The following CHRDL1 variants were observed in gnomAD, a reference collection of about 807,000 sequenced individuals.
CHRDL1 encodes the protein chordin-like protein 1.
In CHRDL1, 19 loss-of-function variants were observed where a neutral mutation model predicts 40.9. The observed-to-expected ratio is 0.46, with a 90% CI of 0.32 to 0.68. The LOEUF is 0.68. Among genes scored for constraint, CHRDL1 ranks in the 30% least tolerant of loss-of-function variants. CHRDL1 has a pLI of 0.03. For missense variants in CHRDL1, 329 were observed against 352.1 expected, an observed-to-expected ratio of 0.93 and a Z score of 0.53; for synonymous variants, 136 against 123.4, an observed-to-expected ratio of 1.10 and a Z score of -0.68.
chrX:110,739,396 T>C (rs1204232846), intron 4 of CHRDL1, among the ~76,000 whole-genome samples: 1 of 112,001 alleles, frequency 8.9e-6, no homozygotes, highest in Non-Finnish European at 1.9e-5. Flanking sequence ...TTCCAGTCAA[T>C]TGAATGTGGG....
rs1298617681 is a variant in CHRDL1, at chrX:110,675,319, C to T, written c.*912G>A. On this transcript the variant is annotated 3_prime_UTR_variant, in exon 12 of 12. Coordinates refer to ENST00000372042, the MANE Select transcript of CHRDL1 (RefSeq NM_001143981.2). ...GAATTCTATCAACTTCTTTCTTCAA[C>T]AATTATTTTTTCTTACATGGATTCA... The T allele has an allele frequency of 1.8e-5, 2 of 111,403 alleles. No individual in the cohort carries two copies. Among genetic ancestry groups the T allele is most frequent in the Non-Finnish European group, 3.8e-5 (2 of 53,032 alleles). 9.2% of individuals were successfully genotyped at this position (111,403 alleles called of 1,213,427 possible).
At chrX:110,692,332 T>C (rs900110943) in intron 8 of CHRDL1, among the ~76,000 whole-genome samples, 1 of 110,754 alleles carries the variant, frequency 9.0e-6, no homozygotes, top group African/African-American at 3.3e-5. Flanking sequence ...AGCTTGGGAG[T>C]TGGGGGTGGG....
intron 6 of CHRDL1, among the ~76,000 whole-genome samples, chrX:110,705,011 T>C (rs377014837): frequency 1.0e-4 from 11 of 109,985 alleles, no homozygotes; most frequent in African/African-American, 3.6e-4. Context: ...TACCCTAGAG[T>C]TTTTAAAAGG....
intron 7 of CHRDL1, among the ~76,000 whole-genome samples, chrX:110,700,042 G>C (rs187781319): frequency 2.1e-4 from 23 of 111,931 alleles, no homozygotes; most frequent in African/African-American, 6.8e-4. Flanking sequence ...TTTTTAGAGA[G>C]GAATGCTATT....
chrX:110,752,688 A>G (rs1322194207), intron 4 of CHRDL1, among the ~76,000 whole-genome samples: 6 of 111,432 alleles, frequency 5.4e-5, no homozygotes, highest in Non-Finnish European at 1.1e-4. Flanking sequence ...TATATATACC[A>G]ATCTTTTGCA....
chrX:110,711,182 T>C (rs2070741214), intron 6 of CHRDL1, among the ~76,000 whole-genome samples: 1 of 112,274 alleles, frequency 8.9e-6, no homozygotes, highest in Non-Finnish European at 1.9e-5. Context: ...TTATTTTCTA[T>C]CTGCAGTTGG....
intron 4 of CHRDL1, among the ~76,000 whole-genome samples, chrX:110,722,280 A>G (rs781641834): frequency 1.8e-5 from 2 of 110,839 alleles, no homozygotes; most frequent in Admixed American, 1.9e-4. Flanking sequence ...TACAGGCGTG[A>G]GCCATGGCGC....
intron 4 of CHRDL1, among the ~76,000 whole-genome samples, chrX:110,754,850 G>A (rs954756825): frequency 3.6e-5 from 4 of 110,064 alleles, no homozygotes; most frequent in African/African-American, 9.9e-5. Context: ...AATTCTCAGT[G>A]GAATGACCAT....
At chrX:110,749,388 T>C (rs2089316322) in intron 4 of CHRDL1, among the ~76,000 whole-genome samples, 1 of 111,950 alleles carries the variant, frequency 8.9e-6, no homozygotes, top group Non-Finnish European at 1.9e-5. Flanking sequence ...TTCCTCCCCC[T>C]CCTGCAGACA....
rs1227095200 is a variant in CHRDL1, at chrX:110,716,917, C to CACCACTCA, written c.541+2910_541+2917dup. ...TCCCAGTTCCTTATCATGAAATGGCCACCACTCATTCATCTCAAATTGGTT... is the reference window on the plus strand; with the variant it reads ...TCCCAGTTCCTTATCATGAAATGGCCACCACTCAACCACTCATTCATCTCAAATTGGTT... On this transcript the variant is annotated intron_variant, in intron 6 of 11. Transcript: ENST00000372042. Among the ~76,000 whole-genome samples, 4 of 111,598 alleles carry CACCACTCA rather than the reference C, an allele frequency of 3.6e-5. No individual in the cohort carries two copies. In the East Asian group the frequency reaches 1.1e-3, roughly 31 times the overall value.
chrX:110,748,607 C>T (rs2089299016), intron 4 of CHRDL1, among the ~76,000 whole-genome samples: 1 of 112,278 alleles, frequency 8.9e-6, no homozygotes, highest in Non-Finnish European at 1.9e-5. Flanking sequence ...TGTCTCCTGA[C>T]TTCACTTCCT....
intron 4 of CHRDL1, among the ~76,000 whole-genome samples, chrX:110,722,461 C>T (rs188248283): frequency 8.0e-4 from 88 of 110,447 alleles, no homozygotes; most frequent in African/African-American, 2.7e-3. Flanking sequence ...CTTTCCTCCA[C>T]GAAGCATTCT....
intron 6 of CHRDL1, among the ~76,000 whole-genome samples, chrX:110,701,932 T>C (rs944452200): frequency 8.9e-6 from 1 of 112,088 alleles, no homozygotes; most frequent in East Asian, 2.8e-4. Context: ...ATTAGTTTGA[T>C]AGCAATATTA....
chrX:110,688,574 AG>A lies in CHRDL1; in HGVS notation c.988+19del. On this transcript the variant is annotated intron_variant, in intron 9 of 11. Coordinates refer to ENST00000372042, the MANE Select transcript of CHRDL1 (RefSeq NM_001143981.2). ...GTGAGAATCTCAGTCAACCAAAAGC[AG>A]GGCCTCCAACCAACGCACCTTTTGC... 1 of 1,153,189 alleles carries A rather than the reference AG, an allele frequency of 8.7e-7. No homozygotes were observed. The highest frequency in any genetic ancestry group is 1.2e-6 in the Non-Finnish European group (1 of 842,599).
rs774142129 is a variant in CHRDL1 at position 110,708,074 on chromosome X, C to CA, written c.542-7354dup. On this transcript the variant is annotated intron_variant, in intron 6 of 11. Transcript: ENST00000372042. ...ATCATCACTGGTCATTAGAGAAGTGCAAATCAAAACCACAATGAGATACCA... is the reference window on the plus strand; with the variant it reads ...ATCATCACTGGTCATTAGAGAAGTGCAAAATCAAAACCACAATGAGATACCA... Among the ~76,000 whole-genome samples, 849 of 111,132 alleles carry CA rather than the reference C, an allele frequency of 7.6e-3. 8 individuals carry two copies. Among genetic ancestry groups the CA allele is most frequent in the African/African-American group, 0.027 (812 of 30,470 alleles).
At chrX:110,709,658 T>TC (rs1429889242) in intron 6 of CHRDL1, among the ~76,000 whole-genome samples, 5 of 112,117 alleles carry the variant, frequency 4.5e-5, no homozygotes, top group Admixed American at 1.9e-4. Flanking sequence ...AGGAAAGATA[T>TC]CTGCTTCATT....
intron 4 of CHRDL1, among the ~76,000 whole-genome samples, chrX:110,725,381 C>T (rs1214016926): frequency 8.9e-6 from 1 of 111,782 alleles, no homozygotes; most frequent in Non-Finnish European, 1.9e-5. Flanking sequence ...TTTTGTAATC[C>T]CAAGAATTAT....
chrX:110,709,757 C>A (rs5943059), intron 6 of CHRDL1, among the ~76,000 whole-genome samples: 1,837 of 112,061 alleles, frequency 0.016, 18 homozygotes, highest in Non-Finnish European at 0.027. Flanking sequence ...GTAATCTCAG[C>A]ACTTTGGGAG....
intron 4 of CHRDL1, 95 bp from the exon 5 acceptor site, chrX:110,721,625 G>A (rs1433194055): frequency 7.9e-5 from 57 of 720,089 alleles, no homozygotes; most frequent in South Asian, 1.7e-4. Flanking sequence ...CTACATAGAG[G>A]GAGTTTTAAG....
Sources: gnomAD v4.1 joint callset for allele counts (sites outside exome capture counted in the v4.1 genomes callset) on GRCh38, gnomAD v4.1.1 for gene constraint, MANE v1.5 for transcripts, NCBI Gene and HGNC (gene_info 2026-07-23, HGNC 2026-07-21) for gene names.